Variants in EVC2 observed in about 807,000 individuals in gnomAD.
EVC2 encodes limbin.
EVC2 carries 148 observed loss-of-function variants against 149.3 expected under a neutral mutation model. The observed-to-expected ratio is 0.99, with a 90% CI of 0.87 to 1.14. The LOEUF (loss-of-function observed/expected upper bound fraction) is 1.14. Among genes scored for constraint, EVC2 ranks in the 50% most tolerant of loss-of-function variants. The probability of loss-of-function intolerance (pLI) is 0.00; values close to 1 mark genes in which losing one functional copy is unlikely to be tolerated. For missense variants in EVC2, 1,854 were observed against 1,627.3 expected, an observed-to-expected ratio of 1.14 and a Z score of -2.40; for synonymous variants, 776 against 649.9, an observed-to-expected ratio of 1.19 and a Z score of -2.95.
At chr4:5,697,236 G>A (rs890768828) in intron 2 of EVC2, among the ~76,000 whole-genome samples, 27 of 152,338 alleles carry the variant, frequency 1.8e-4, no homozygotes, top group African/African-American at 6.3e-4. Flanking sequence ...TTCCAGTACT[G>A]TAAGAGAATA....
chr4:5,563,314 A>G (rs1271914520), intron 21 of EVC2, among the ~76,000 whole-genome samples, 199 bp from the exon 22 acceptor site: 2 of 151,734 alleles, frequency 1.3e-5, no homozygotes, highest in Non-Finnish European at 2.9e-5. Flanking sequence ...GCTGTAGTCA[A>G]CTCTTCCTGG....
At chr4:5,615,328 C>T in intron 16 of EVC2, 94 bp downstream of exon 16, 1 of 1,588,600 alleles carries the variant, frequency 6.3e-7, no homozygotes, top group African/African-American at 1.3e-5. Flanking sequence ...GATGGCACAG[C>T]CCCAAGGGCT....
chr4:5,640,644 T>G lies in EVC2; in HGVS notation c.1340A>C (p.Tyr447Ser). ...TGTCAATGCCACCATCTTCCGATCG[T>G]ACTCCTCTTGTATTTCATTTTCCAG... ...LLLENEIQEE[Y>S]DRKMVALTAE... Residue 447 changes from tyrosine (Y) to serine (S), a missense_variant, in exon 10 of 22, where the codon TAC (tyrosine) becomes TCC (serine). Tyr to Ser is a moderately radical substitution (Grantham distance 144). Coordinates refer to ENST00000344408, the MANE Select transcript of EVC2 (RefSeq NM_147127.5). The surrounding 1 kb of genome is among the most constrained non-coding windows in gnomAD (Gnocchi z 4.6). 2 of 1,614,146 alleles carry G rather than the reference T, an allele frequency of 1.2e-6. No homozygotes were observed. The highest frequency in any genetic ancestry group is 4.5e-5 in the East Asian group (2 of 44,874).
chr4:5,563,583 G>C (rs540285009), intron 21 of EVC2, among the ~76,000 whole-genome samples: 2 of 151,976 alleles, frequency 1.3e-5, no homozygotes, highest in Non-Finnish European at 2.9e-5. Flanking sequence ...TTCATGATCC[G>C]CCCACATCGG....
rs1722931863 is a variant in EVC2 at position 5,576,349 on chromosome 4, G to A, written c.3163C>T (p.Pro1055Ser). 1 of 1,614,172 alleles carries A rather than the reference G, an allele frequency of 6.2e-7. No individual in the cohort carries two copies. Among genetic ancestry groups the A allele is most frequent in the Non-Finnish European group, 8.5e-7 (1 of 1,180,034 alleles). ...TCCCCAGGTTCGTTCAGAATCCCGG[G>A]CCCATCGGCCACCCACTGCTGCCAG... is the stretch of plus-strand genomic sequence containing the variant. ...ASWQQWVADG[P>S]GILNEPGEVD... Residue 1055 changes from proline (P) to serine (S), a missense_variant, in exon 18 of 22, where the codon CCC becomes TCC. Physicochemically the swap from Pro to Ser is moderately conservative, Grantham distance 74. Transcript: ENST00000344408. The surrounding 1 kb of genome is among the most constrained non-coding windows in gnomAD (Gnocchi z 4.5).
At chr4:5,650,525 T>C (rs1296007103) in intron 9 of EVC2, among the ~76,000 whole-genome samples, 1 of 150,532 alleles carries the variant, frequency 6.6e-6, no homozygotes, top group Non-Finnish European at 1.5e-5. Context: ...TATGTGAGAA[T>C]ATTATCACCT....
intron 16 of EVC2, among the ~76,000 whole-genome samples, chr4:5,595,770 T>G (rs1713344706): frequency 6.6e-6 from 1 of 152,160 alleles, no homozygotes; most frequent in Non-Finnish European, 1.5e-5. Flanking sequence ...AGACACAGAC[T>G]GGCAAATTGG....
At chr4:5,689,017 T>G in intron 5 of EVC2, 140 bp downstream of exon 5, 1 of 905,166 alleles carries the variant, frequency 1.1e-6, no homozygotes, top group Non-Finnish European at 1.7e-6. Flanking sequence ...GATACCCTGA[T>G]AGTAAGATCC....
rs35334619 is a variant in EVC2 at position 5,650,671 on chromosome 4, A to AGAGAGAGAGAGAGAGAGAGC, written c.1146-9834_1146-9833insGCTCTCTCTCTCTCTCTCTC. Among the ~76,000 whole-genome samples the AGAGAGAGAGAGAGAGAGAGC allele has an allele frequency of 1.6e-3, 167 of 102,156 alleles. 6 individuals are homozygous for AGAGAGAGAGAGAGAGAGAGC. Among genetic ancestry groups the AGAGAGAGAGAGAGAGAGAGC allele is most frequent in the Non-Finnish European group, 2.1e-3 (107 of 51,552 alleles). 67.0% of individuals were successfully genotyped at this position (102,156 alleles called of 152,430 possible). ...GAGAGAGAGAGAGAGAGAGAGAGAGAGCCATTTAATCATCACAAAAAAATC... is the reference window on the plus strand; with the variant it reads ...GAGAGAGAGAGAGAGAGAGAGAGAGAGAGAGAGAGAGAGAGAGAGCGCCATTTAATCATCACAAAAAAATC... On this transcript the variant is annotated intron_variant, in intron 9 of 21. Coordinates refer to ENST00000344408, the MANE Select transcript of EVC2 (RefSeq NM_147127.5).
chr4:5,542,684 T>C (rs577401856), downstream of EVC2: 1 of 156,638 alleles, frequency 6.4e-6, no homozygotes, highest in East Asian at 1.9e-4. Flanking sequence ...AAAATGGGGA[T>C]GATAATAGTA....
At chr4:5,549,796 T>C (rs1413881146) in intron 21 of EVC2, among the ~76,000 whole-genome samples, 1 of 152,206 alleles carries the variant, frequency 6.6e-6, no homozygotes, top group Non-Finnish European at 1.5e-5. Context: ...CTTCCCTTTA[T>C]ATGGTTTTGC....
At chr4:5,605,844 C>A (rs571444645) in intron 16 of EVC2, among the ~76,000 whole-genome samples, 158 of 152,316 alleles carry the variant, frequency 1.0e-3, no homozygotes, top group African/African-American at 3.5e-3. Context: ...CCCAACTGAG[C>A]ATCACTTACA....
chr4:5,627,836 T>C (rs1409544541), intron 12 of EVC2, among the ~76,000 whole-genome samples: 1 of 152,100 alleles, frequency 6.6e-6, no homozygotes, highest in African/African-American at 2.4e-5. Context: ...GGCAGTGTGC[T>C]AGATCTTAAA....
intron 16 of EVC2, among the ~76,000 whole-genome samples, chr4:5,597,172 A>G (rs1241291995): frequency 2.6e-5 from 4 of 152,210 alleles, no homozygotes; most frequent in Non-Finnish European, 5.9e-5. Context: ...TTCTGAAACT[A>G]TTCCAATCAA....
In EVC2 at chr4:5,670,539, C is replaced by T. The variant is rs916309061; in HGVS notation, c.871-4890G>A. ...CCACGATTATCAACATCATCAATAT[C>T]CCCATCACCATCATCTTCACATTGG... On this transcript the variant is annotated intron_variant, in intron 7 of 21. Coordinates refer to ENST00000344408, the MANE Select transcript of EVC2 (RefSeq NM_147127.5). This position sits in a 1 kb window ranked among gnomAD's most constrained non-coding sequence, Gnocchi z 5.2. 2.6e-5 allele frequency among the ~76,000 whole-genome samples: 4 copies of T among 151,958 alleles called. No homozygotes were observed. The highest frequency in any genetic ancestry group is 7.3e-5 in the African/African-American group (3 of 41,356).
At chr4:5,703,675 T>C (rs1344038156) in intron 1 of EVC2, among the ~76,000 whole-genome samples, 1 of 152,188 alleles carries the variant, frequency 6.6e-6, no homozygotes, top group Non-Finnish European at 1.5e-5. Context: ...AAAATGAGGA[T>C]ACGTTGACAA....
Position 5,640,823 on chromosome 4 carries a change from G to A in EVC2, c.1161C>T (p.Thr387=), listed in dbSNP as rs1717278166. The change falls in exon 10 of 22, where the codon ACC becomes ACT. Residue 387 remains threonine, a synonymous_variant. Transcript: ENST00000344408. The surrounding 1 kb of genome is among the most constrained non-coding windows in gnomAD (Gnocchi z 4.6). The part of the protein sequence containing the change: ...LQALEELEIA[T]LNRADADLEA... ...CCAGATCTGCATCTGCCCGATTCAG[G>A]GTTGCAATCTCCAACCTAGGAAACA... 1 of 1,613,944 alleles carries A rather than the reference G, an allele frequency of 6.2e-7. No homozygotes were observed. Among genetic ancestry groups the A allele is most frequent in the East Asian group, 2.2e-5 (1 of 44,882 alleles).
chr4:5,670,006 T>A lies in EVC2; in HGVS notation c.871-4357A>T, dbSNP rs1380417370. On this transcript the variant is annotated intron_variant, in intron 7 of 21. Coordinates refer to ENST00000344408, the MANE Select transcript of EVC2 (RefSeq NM_147127.5). The surrounding 1 kb of genome is among the most constrained non-coding windows in gnomAD (Gnocchi z 5.2). ...TACCTCCATGGGGCAAACCCACTCA[T>A]GACCCTCATTTTCTTCATTTATCTG... Among the ~76,000 whole-genome samples, 1 of 152,236 alleles carries A rather than the reference T, an allele frequency of 6.6e-6. No homozygotes were observed. Among genetic ancestry groups the A allele is most frequent in the Non-Finnish European group, 1.5e-5 (1 of 68,038 alleles).
intron 2 of EVC2, among the ~76,000 whole-genome samples, chr4:5,694,741 G>A (rs999208072): frequency 1.3e-5 from 2 of 152,192 alleles, no homozygotes; most frequent in African/African-American, 4.8e-5. Context: ...TACCTGGGTT[G>A]TGCAGCCCCA....
Sources: allele counts gnomAD v4.1 joint callset (sites outside exome capture counted in the v4.1 genomes callset), GRCh38; gene constraint gnomAD v4.1.1; non-coding constraint Gnocchi (gnomAD v3.1); transcripts MANE v1.5; gene names NCBI Gene and HGNC (gene_info 2026-07-23, HGNC 2026-07-21).